The following CTNNA1 variants were observed in gnomAD, a reference collection of about 807,000 sequenced individuals.
The protein encoded by CTNNA1 is catenin alpha-1.
Under a neutral mutation model 98.4 loss-of-function variants are expected in CTNNA1, and 37 were observed. That is an observed-to-expected ratio of 0.38 (90% CI 0.29 to 0.49). CTNNA1 has a LOEUF of 0.49. Ranked by LOEUF, CTNNA1 falls within the 20% of genes least tolerant of loss-of-function variation. The probability of loss-of-function intolerance (pLI) is 0.95; values close to 1 mark genes in which losing one functional copy is unlikely to be tolerated. For synonymous variants in CTNNA1, 404 were observed against 413.2 expected, an observed-to-expected ratio of 0.98 and a Z score of 0.27; for missense variants, 761 against 1,147.2, an observed-to-expected ratio of 0.66 and a Z score of 4.86.
chr5:138,860,218 G>A (rs1275207541), intron 7 of CTNNA1, among the ~76,000 whole-genome samples: 1 of 152,162 alleles, frequency 6.6e-6, no homozygotes, highest in African/African-American at 2.4e-5. Context: ...AATAATTCTA[G>A]TTATAAATTA....
At chr5:138,814,060 G>A (rs1324257210) in intron 5 of CTNNA1, among the ~76,000 whole-genome samples, 1 of 152,208 alleles carries the variant, frequency 6.6e-6, no homozygotes, top group Non-Finnish European at 1.5e-5. Context: ...GTTTAATATA[G>A]TGCCAGGCAC....
At chr5:138,775,087 C>T (rs1410416081) in intron 1 of CTNNA1, among the ~76,000 whole-genome samples, 1 of 152,194 alleles carries the variant, frequency 6.6e-6, no homozygotes, top group African/African-American at 2.4e-5. Context: ...AATGTGACCA[C>T]ATATACCTAA....
intron 7 of CTNNA1, among the ~76,000 whole-genome samples, chr5:138,880,511 T>C (rs1752654535): frequency 2.0e-5 from 3 of 152,238 alleles, no homozygotes; most frequent in African/African-American, 4.8e-5. Context: ...TTTAAAACTC[T>C]TCTTCTGCTA....
In CTNNA1 at chr5:138,877,118, A is replaced by G. The variant is rs188684933; in HGVS notation, c.1063-9094A>G. 2.6e-3 allele frequency among the ~76,000 whole-genome samples: 399 copies of G among 152,334 alleles called. 2 individuals are homozygous for G. Among genetic ancestry groups the G allele is most frequent in the African/African-American group, 9.3e-3 (387 of 41,578 alleles). On this transcript the variant is annotated intron_variant, in intron 7 of 17. Coordinates refer to ENST00000302763, the MANE Select transcript of CTNNA1 (RefSeq NM_001903.5). ...TGAACAGACTCTTGAGTCCTTAGTAATGAGCCTGCACTAGTACGTCCTCTT... is the reference window on the plus strand; with the variant it reads ...TGAACAGACTCTTGAGTCCTTAGTAGTGAGCCTGCACTAGTACGTCCTCTT...
chr5:138,908,456 C>T (rs952198348), intron 10 of CTNNA1, among the ~76,000 whole-genome samples: 2 of 152,064 alleles, frequency 1.3e-5, no homozygotes, highest in African/African-American at 4.8e-5. Context: ...TCATTTGAAG[C>T]CAGTATTTCA....
chr5:138,909,095 A>G (rs1759976127), intron 10 of CTNNA1, among the ~76,000 whole-genome samples: 1 of 152,172 alleles, frequency 6.6e-6, no homozygotes, highest in African/African-American at 2.4e-5. Context: ...CAAACCTTGC[A>G]AACAGCAGCA....
At chr5:138,822,996 C>G (rs1319873619) in intron 5 of CTNNA1, among the ~76,000 whole-genome samples, 1 of 152,110 alleles carries the variant, frequency 6.6e-6, no homozygotes, top group African/African-American at 2.4e-5. Flanking sequence ...GGTCAATTTT[C>G]TGTTACTGTT....
At chr5:138,771,218 T>G (rs893333716) in intron 1 of CTNNA1, among the ~76,000 whole-genome samples, 124 of 152,132 alleles carry the variant, frequency 8.2e-4, no homozygotes, top group Non-Finnish European at 1.2e-3. Context: ...GAATTTTTTT[T>G]TTTTGTTTAC....
intron 7 of CTNNA1, among the ~76,000 whole-genome samples, chr5:138,834,836 CT>C (rs1761619005): frequency 6.6e-6 from 1 of 152,080 alleles, no homozygotes; most frequent in East Asian, 1.9e-4. Context: ...AGCAGTAAAG[CT>C]TTTTAATCAC....
At chr5:138,867,705 A>C (rs1764919517) in intron 7 of CTNNA1, among the ~76,000 whole-genome samples, 1 of 151,248 alleles carries the variant, frequency 6.6e-6, no homozygotes, top group African/African-American at 2.4e-5. Context: ...ATCCAGTTCC[A>C]CTTAATGATA....
chr5:138,775,796 C>T (rs1240845216), intron 1 of CTNNA1, among the ~76,000 whole-genome samples: 2 of 131,838 alleles, frequency 1.5e-5, no homozygotes, highest in African/African-American at 5.7e-5. Flanking sequence ...GATCTCGGTT[C>T]ACTGCAACCT....
Position 138,934,381 on chromosome 5 carries a change from CGAG to C in CTNNA1, c.*293_*295del, listed in dbSNP as rs2066680461. On this transcript the variant is annotated 3_prime_UTR_variant, in exon 18 of 18. Coordinates refer to ENST00000302763, the MANE Select transcript of CTNNA1 (RefSeq NM_001903.5). ...CTTGTTAGTAATGCTCTGACCAAGC[CGAG>C]ATGCCCATTCTCTTAGTGATGGCGG... is the stretch of plus-strand genomic sequence containing the variant. 1 of 333,548 alleles carries C rather than the reference CGAG, an allele frequency of 3.0e-6. No individual in the cohort carries two copies. The highest frequency in any genetic ancestry group is 4.1e-5 in the South Asian group (1 of 24,238). 20.7% of individuals were successfully genotyped at this position (333,548 alleles called of 1,614,324 possible). A position where few individuals can be genotyped will look rare whatever the true frequency, so the allele number is the denominator to read the frequency against.
chr5:138,806,691 C>G (rs775828176), intron 3 of CTNNA1, among the ~76,000 whole-genome samples: 2 of 152,072 alleles, frequency 1.3e-5, no homozygotes, highest in Non-Finnish European at 2.9e-5. Flanking sequence ...AAGCATATCC[C>G]TTACTCCTCA....
At chr5:138,931,857 G>C (rs1765429617) in intron 16 of CTNNA1, 16 of 985,510 alleles carry the variant, frequency 1.6e-5, no homozygotes, top group Non-Finnish European at 1.9e-5. Flanking sequence ...CTTTGCTCCA[G>C]CCTCACTGGA....
intron 7 of CTNNA1, among the ~76,000 whole-genome samples, chr5:138,861,167 C>T (rs779972019): frequency 3.9e-5 from 6 of 151,964 alleles, no homozygotes; most frequent in East Asian, 3.9e-4. Context: ...ATTACAGGCA[C>T]GCACCACCAT....
At chr5:138,820,726 C>T (rs1357742573) in intron 5 of CTNNA1, among the ~76,000 whole-genome samples, 2 of 117,282 alleles carry the variant, frequency 1.7e-5, no homozygotes, top group East Asian at 3.7e-4. Context: ...GTTGTTTAGT[C>T]GTTGTTTTGG....
chr5:138,791,524 G>C (rs1581022172), intron 3 of CTNNA1, among the ~76,000 whole-genome samples: 2 of 146,442 alleles, frequency 1.4e-5, no homozygotes, highest in East Asian at 4.2e-4. Flanking sequence ...GGCTGAGGCA[G>C]GGGAATTGCT....
intron 5 of CTNNA1, among the ~76,000 whole-genome samples, chr5:138,814,643 C>T (rs374173382): frequency 6.6e-5 from 10 of 152,164 alleles, no homozygotes; most frequent in South Asian, 2.1e-4. Context: ...TGGTTTAAAA[C>T]GTAGTCTGAG....
At chr5:138,917,607 G>C in intron 10 of CTNNA1, 135 bp from the exon 11 acceptor site, 1 of 857,314 alleles carries the variant, frequency 1.2e-6, no homozygotes, top group Non-Finnish European at 1.8e-6. Flanking sequence ...AAAACTTACT[G>C]TTTTACACTC....
Sources: allele counts gnomAD v4.1 joint callset (sites outside exome capture counted in the v4.1 genomes callset), GRCh38; gene constraint gnomAD v4.1.1; transcripts MANE v1.5; gene names NCBI Gene and HGNC (gene_info 2026-07-23, HGNC 2026-07-21).